The following ERBB4 variants were observed in gnomAD, a reference collection of about 807,000 sequenced individuals.
The protein encoded by ERBB4 is erb-b2 receptor tyrosine kinase 4.
A neutral mutation model predicts 158.0 loss-of-function variants in ERBB4; 42 were observed. The observed-to-expected ratio is 0.27, with a 90% CI of 0.21 to 0.34. The LOEUF (loss-of-function observed/expected upper bound fraction) is 0.34. Among genes scored for constraint, ERBB4 ranks in the 10% least tolerant of loss-of-function variants. The pLI, the probability that ERBB4 is intolerant of heterozygous loss-of-function variation, is 1.00. For synonymous variants in ERBB4, 583 were observed against 558.7 expected, an observed-to-expected ratio of 1.04 and a Z score of -0.61; for missense variants, 1,333 against 1,624.1, an observed-to-expected ratio of 0.82 and a Z score of 3.08.
intron 7 of ERBB4, among the ~76,000 whole-genome samples, chr2:211,714,713 T>A (rs2073836518): frequency 6.6e-6 from 1 of 152,186 alleles, no homozygotes; most frequent in South Asian, 2.1e-4. Context: ...GGATCTTGGG[T>A]CAGACCTTAT....
At chr2:211,574,094 T>C (rs2125752319) in intron 19 of ERBB4, among the ~76,000 whole-genome samples, 1 of 152,246 alleles carries the variant, frequency 6.6e-6, no homozygotes, top group South Asian at 2.1e-4. Flanking sequence ...CAATTATATC[T>C]AAAGGGAATA....
intron 3 of ERBB4, among the ~76,000 whole-genome samples, chr2:211,861,870 A>T (rs1404759377): frequency 7.0e-6 from 1 of 143,378 alleles, no homozygotes; most frequent in Non-Finnish European, 1.6e-5. Flanking sequence ...CAATGGGGTT[A>T]TAAAATGAAA....
intron 2 of ERBB4, among the ~76,000 whole-genome samples, chr2:212,031,106 T>G (rs888810622): frequency 9.2e-5 from 14 of 152,136 alleles, no homozygotes; most frequent in Non-Finnish European, 1.8e-4. Context: ...TCTGGCTCCA[T>G]TCTTTGCCCA....
At chr2:212,191,316 C>A (rs576286786) in intron 1 of ERBB4, among the ~76,000 whole-genome samples, 1 of 151,758 alleles carries the variant, frequency 6.6e-6, no homozygotes. Context: ...TGAGAACCAC[C>A]GATTTAACGA....
intron 1 of ERBB4, among the ~76,000 whole-genome samples, chr2:212,191,886 C>CTCTAT (rs2082250432): frequency 7.1e-6 from 1 of 141,226 alleles, no homozygotes; most frequent in African/African-American, 2.6e-5. Context: ...ACATATGTTA[C>CTCTAT]ATGTTATATA....
At chr2:211,880,118 CT>C in intron 3 of ERBB4, among the ~76,000 whole-genome samples, 1 of 151,970 alleles carries the variant, frequency 6.6e-6, no homozygotes, top group Admixed American at 6.6e-5. Context: ...CTCATATTTT[CT>C]GAAATACAAA....
At chr2:212,292,610 G>GA (rs527668051) in intron 1 of ERBB4, among the ~76,000 whole-genome samples, 5 of 151,758 alleles carry the variant, frequency 3.3e-5, no homozygotes, top group African/African-American at 7.3e-5. Flanking sequence ...TGGGTAACAG[G>GA]AAAAAAACAC....
At position 211,537,163 on chromosome 2, in the gene ERBB4, G is replaced by A. The variant is rs552115440; in HGVS notation, c.2487+24740C>T. Among the ~76,000 whole-genome samples, 91 of 151,914 alleles carry A rather than the reference G, an allele frequency of 6.0e-4. No homozygotes were observed. The South Asian group carries it at 6.0e-3, about 10-fold the overall frequency. On this transcript the variant is annotated intron_variant, in intron 20 of 27. Transcript: ENST00000342788. ...TTTTCCCAATGGCTTGTATCCATCCGTGTTTACTAAGAGCATTCTCAAAAA... is the reference window on the plus strand; with the variant it reads ...TTTTCCCAATGGCTTGTATCCATCCATGTTTACTAAGAGCATTCTCAAAAA...
At chr2:212,048,935 C>T (rs771012739) in intron 2 of ERBB4, among the ~76,000 whole-genome samples, 4 of 152,142 alleles carry the variant, frequency 2.6e-5, no homozygotes, top group Non-Finnish European at 5.9e-5. Flanking sequence ...CTGTCATCAA[C>T]CAGTTGGGTT....
chr2:212,174,577 T>A (rs978488708), intron 1 of ERBB4, among the ~76,000 whole-genome samples: 8 of 152,092 alleles, frequency 5.3e-5, no homozygotes, highest in Admixed American at 3.3e-4. Flanking sequence ...TCCATGCTAC[T>A]CATTCTACTT....
intron 15 of ERBB4, among the ~76,000 whole-genome samples, chr2:211,659,725 T>C (rs2071348091): frequency 6.6e-6 from 1 of 152,162 alleles, no homozygotes. Flanking sequence ...ACATGTCTAC[T>C]AAGTGTTCCT....
chr2:211,809,730 A>G (rs2076704991), intron 3 of ERBB4, among the ~76,000 whole-genome samples: 1 of 152,048 alleles, frequency 6.6e-6, no homozygotes, highest in Admixed American at 6.5e-5. Flanking sequence ...GCCTTCTGCT[A>G]GCTTTTGAAT....
At chr2:211,580,883 ATATATAT>A (rs2068078153) in intron 19 of ERBB4, among the ~76,000 whole-genome samples, 2 of 3,608 alleles carry the variant, frequency 5.5e-4, no homozygotes, top group African/African-American at 1.5e-3. Context: ...ATATATATAT[ATATATAT>A]ATATATATAT....
chr2:211,539,803 T>C (rs2066750670), intron 20 of ERBB4, among the ~76,000 whole-genome samples: 1 of 152,022 alleles, frequency 6.6e-6, no homozygotes, highest in African/African-American at 2.4e-5. Flanking sequence ...GTTCATTGTA[T>C]CACGTCTTAA....
At chr2:211,936,421 AC>A (rs2080323309) in intron 3 of ERBB4, among the ~76,000 whole-genome samples, 1 of 152,212 alleles carries the variant, frequency 6.6e-6, no homozygotes, top group African/African-American at 2.4e-5. Context: ...GTTATGGATC[AC>A]CATTTTTCAC....
intron 3 of ERBB4, among the ~76,000 whole-genome samples, chr2:211,843,341 T>C (rs771225394): frequency 6.6e-6 from 1 of 152,044 alleles, no homozygotes; most frequent in Non-Finnish European, 1.5e-5. Context: ...AGAAGATGCG[T>C]CCTAGAGCTT....
In ERBB4 at chr2:211,881,393, C is replaced by T. The variant is rs555711186; in HGVS notation, c.421+66037G>A. ...AAGAGCAGCCTGAAATACTGAGCCG[C>T]AAACATCGATAAGCAAGCTTGAAGC... On this transcript the variant is annotated intron_variant, in intron 3 of 27. Transcript: ENST00000342788. Among the ~76,000 whole-genome samples the T allele has an allele frequency of 5.9e-5, 9 of 152,266 alleles. No individual in the cohort carries two copies. The South Asian group carries it at 1.9e-3, about 32-fold the overall frequency.
chr2:212,101,877 T>A (rs1401248441), intron 2 of ERBB4, among the ~76,000 whole-genome samples: 1 of 151,732 alleles, frequency 6.6e-6, no homozygotes, highest in South Asian at 2.1e-4. Flanking sequence ...AACACAGACC[T>A]CCATGGTCCC....
chr2:212,374,299 G>A (rs2090244025), intron 1 of ERBB4, among the ~76,000 whole-genome samples: 1 of 151,412 alleles, frequency 6.6e-6, no homozygotes, highest in Admixed American at 6.6e-5. Flanking sequence ...TGACTTTGAA[G>A]GAAGTTGGTG....
Sources: allele counts gnomAD v4.1 joint callset (sites outside exome capture counted in the v4.1 genomes callset), GRCh38; gene constraint gnomAD v4.1.1; transcripts MANE v1.5; gene names NCBI Gene and HGNC (gene_info 2026-07-23, HGNC 2026-07-21).